The following SUGCT variants were observed in gnomAD, a reference collection of about 807,000 sequenced individuals.
SUGCT encodes the protein succinyl-CoA:glutarate CoA-transferase.
A neutral mutation model predicts 55.0 loss-of-function variants in SUGCT; 41 were observed. That is an observed-to-expected ratio of 0.74 (90% CI 0.58 to 0.97). SUGCT has a LOEUF of 0.97. Ranked by LOEUF, SUGCT falls within the 50% of genes least tolerant of loss-of-function variation. The pLI is 0.00. For missense variants in SUGCT, 568 were observed against 547.8 expected, an observed-to-expected ratio of 1.04 and a Z score of -0.37; for synonymous variants, 187 against 200.4, an observed-to-expected ratio of 0.93 and a Z score of 0.56.
rs946471481 is a variant in SUGCT at position 40,203,186 on chromosome 7, C to T, written c.484+8126C>T. Among the ~76,000 whole-genome samples, 20 of 152,306 alleles carry T rather than the reference C, an allele frequency of 1.3e-4. No individual in the cohort carries two copies. The East Asian group carries it at 3.3e-3, about 25-fold the overall frequency. Reference sequence around the variant, plus strand: ...AATAACAACTCTTTCCAAGGAAATTCAGCTGAAGGTTTTATTTAGCTTTTC... The same window carrying T: ...AATAACAACTCTTTCCAAGGAAATTTAGCTGAAGGTTTTATTTAGCTTTTC... On this transcript the variant is annotated intron_variant, in intron 6 of 13. Coordinates refer to ENST00000335693, the MANE Select transcript of SUGCT (RefSeq NM_001193313.2).
At chr7:40,749,587 C>A (rs1343989766) in intron 13 of SUGCT, 90 bp downstream of exon 13, 2 of 1,028,786 alleles carry the variant, frequency 1.9e-6, no homozygotes, top group Non-Finnish European at 3.0e-6. Flanking sequence ...AGCTCCCAAA[C>A]AACTTTCCAA....
chr7:41,009,259 TG>T, the SUGCT span, among the ~76,000 whole-genome samples: 1 of 148,780 alleles, frequency 6.7e-6, no homozygotes, highest in Non-Finnish European at 1.5e-5. Flanking sequence ...GGCAATGGAA[TG>T]AAAGATTCGA....
intron 12 of SUGCT, among the ~76,000 whole-genome samples, chr7:40,634,324 C>A (rs547323302): frequency 1.3e-5 from 2 of 152,248 alleles, no homozygotes; most frequent in South Asian, 4.2e-4. Context: ...CTAAATGCAA[C>A]CCACCGCGGT....
At chr7:40,824,541 G>A (rs899962111) in intron 13 of SUGCT, among the ~76,000 whole-genome samples, 1 of 152,160 alleles carries the variant, frequency 6.6e-6, no homozygotes, top group Non-Finnish European at 1.5e-5. Flanking sequence ...TGCATTCGTT[G>A]GGGTACATGA....
intron 12 of SUGCT, among the ~76,000 whole-genome samples, chr7:40,552,590 C>G (rs914390150): frequency 1.3e-5 from 2 of 152,058 alleles, no homozygotes; most frequent in African/African-American, 4.8e-5. Context: ...GTCAGCATGA[C>G]AAAGATCAAA....
chr7:40,975,547 C>T, the SUGCT span, among the ~76,000 whole-genome samples: 1 of 152,204 alleles, frequency 6.6e-6, no homozygotes, highest in South Asian at 2.1e-4. Flanking sequence ...TCCCTCTGAT[C>T]CTTTGATTCA....
intron 13 of SUGCT, among the ~76,000 whole-genome samples, chr7:40,859,048 C>T (rs1794344510): frequency 6.6e-6 from 1 of 152,092 alleles, no homozygotes; most frequent in African/African-American, 2.4e-5. Flanking sequence ...TTTATTTGTT[C>T]TTCCTATGGG....
chr7:40,738,196 TAAAAAAA>T (rs71714222), intron 12 of SUGCT, among the ~76,000 whole-genome samples: 1 of 111,038 alleles, frequency 9.0e-6, no homozygotes, highest in African/African-American at 3.2e-5. Context: ...GACTCCATCT[TAAAAAAA>T]AAAAAAAAAA....
intron 13 of SUGCT, among the ~76,000 whole-genome samples, chr7:40,758,701 G>A (rs1054225549): frequency 1.3e-5 from 2 of 152,022 alleles, no homozygotes; most frequent in East Asian, 3.9e-4. Context: ...ATCTGGGTAT[G>A]GCATTAACAG....
chr7:40,505,396 A>G (rs532398583), intron 12 of SUGCT, among the ~76,000 whole-genome samples: 68 of 151,904 alleles, frequency 4.5e-4, no homozygotes, highest in Middle Eastern at 3.4e-3. Context: ...ATTTTGCTTT[A>G]TGTTTTCTAT....
At chr7:40,941,528 G>T in the SUGCT span, among the ~76,000 whole-genome samples, 1 of 152,074 alleles carries the variant, frequency 6.6e-6, no homozygotes, top group Non-Finnish European at 1.5e-5. Context: ...CTGATTAGAA[G>T]AATGTATATT....
At chr7:40,226,966 A>G (rs1455349056) in intron 6 of SUGCT, among the ~76,000 whole-genome samples, 1 of 151,564 alleles carries the variant, frequency 6.6e-6, no homozygotes, top group African/African-American at 2.4e-5. Context: ...AATTAAATAA[A>G]AACTAAATAA....
At chr7:40,362,887 T>G (rs1175603026) in intron 9 of SUGCT, among the ~76,000 whole-genome samples, 1 of 152,162 alleles carries the variant, frequency 6.6e-6, no homozygotes, top group African/African-American at 2.4e-5. Context: ...CAATTTTGTC[T>G]TATAGTATAT....
At chr7:40,796,140 G>GA (rs985751469) in intron 13 of SUGCT, among the ~76,000 whole-genome samples, 66 of 149,844 alleles carry the variant, frequency 4.4e-4, no homozygotes, top group East Asian at 2.9e-3. Flanking sequence ...TACCTTTCAG[G>GA]AAAAAAAAAC....
chr7:40,339,360 C>A (rs1212503339), intron 9 of SUGCT, among the ~76,000 whole-genome samples: 2 of 152,308 alleles, frequency 1.3e-5, no homozygotes, highest in Middle Eastern at 3.4e-3. Flanking sequence ...TCTACAGAGG[C>A]AGGCAGGCCT....
chr7:40,254,970 G>C (rs1389967718), intron 7 of SUGCT, among the ~76,000 whole-genome samples: 1 of 151,594 alleles, frequency 6.6e-6, no homozygotes, highest in African/African-American at 2.4e-5. Flanking sequence ...TGTAATCCCA[G>C]CACTTTGGGA....
chr7:40,662,209 C>T (rs568111802), intron 12 of SUGCT, among the ~76,000 whole-genome samples: 1 of 152,276 alleles, frequency 6.6e-6, no homozygotes, highest in South Asian at 2.1e-4. Flanking sequence ...TTGGTTCAAC[C>T]TCCAAATTAT....
At chr7:40,366,096 C>T (rs539631763) in intron 9 of SUGCT, among the ~76,000 whole-genome samples, 1 of 152,176 alleles carries the variant, frequency 6.6e-6, no homozygotes, top group East Asian at 1.9e-4. Flanking sequence ...ACAGAGCCCT[C>T]AGAAATAACG....
chr7:40,726,877 A>G (rs999513724), intron 12 of SUGCT, among the ~76,000 whole-genome samples: 1 of 152,224 alleles, frequency 6.6e-6, no homozygotes, highest in Non-Finnish European at 1.5e-5. Context: ...CACTAAGACA[A>G]CAAAGAATGA....
Sources: allele counts gnomAD v4.1 joint callset (sites outside exome capture counted in the v4.1 genomes callset), GRCh38; gene constraint gnomAD v4.1.1; transcripts MANE v1.5; gene names NCBI Gene and HGNC (gene_info 2026-07-23, HGNC 2026-07-21).